The following OSBPL10 variants were observed in gnomAD, a reference collection of about 807,000 sequenced individuals.
OSBPL10 encodes oxysterol-binding protein-related protein 10.
In OSBPL10, 49 loss-of-function variants were observed where a neutral mutation model predicts 81.7. The ratio of observed to expected loss-of-function variants is 0.60; its 90% confidence interval spans 0.48 to 0.76. The LOEUF is 0.76. Ranked by LOEUF, OSBPL10 falls within the 30% of genes least tolerant of loss-of-function variation. The pLI is 0.00. For synonymous variants in OSBPL10, 419 were observed against 383.6 expected (o/e 1.09, Z -1.08); for missense variants, 923 against 987.8 (o/e 0.93, Z 0.88).
At chr3:31,699,921 T>C (rs1042330699) in intron 7 of OSBPL10, among the ~76,000 whole-genome samples, 8 of 152,310 alleles carry the variant, frequency 5.3e-5, no homozygotes, top group African/African-American at 1.4e-4. Flanking sequence ...GCTAAGTTCT[T>C]CCATTGCTTA....
intron 4 of OSBPL10, among the ~76,000 whole-genome samples, chr3:31,787,594 CAAA>C (rs34814978): frequency 2.0e-4 from 25 of 126,098 alleles, no homozygotes; most frequent in Admixed American, 2.4e-4. Flanking sequence ...GACTCCGCCT[CAAA>C]AAAAAAAAAA....
chr3:31,728,780 G>A (rs949842106), intron 6 of OSBPL10, among the ~76,000 whole-genome samples: 1 of 152,120 alleles, frequency 6.6e-6, no homozygotes. Context: ...GAATCTGGGG[G>A]CAATAGAACT....
chr3:31,999,383 CA>C (rs1308032259), intron 2 of OSBPL10, among the ~76,000 whole-genome samples: 1 of 115,796 alleles, frequency 8.6e-6, no homozygotes, highest in Non-Finnish European at 1.7e-5. Flanking sequence ...TTTTTTGAGA[CA>C]AGGTCTCACT....
chr3:31,844,179 A>C (rs1700572588), intron 3 of OSBPL10, among the ~76,000 whole-genome samples: 2 of 152,212 alleles, frequency 1.3e-5, no homozygotes, highest in African/African-American at 4.8e-5. Flanking sequence ...TTGTGACTTA[A>C]ATCATTATAA....
intron 1 of OSBPL10, among the ~76,000 whole-genome samples, chr3:31,908,530 G>A (rs1341592590): frequency 1.3e-5 from 2 of 152,158 alleles, no homozygotes; most frequent in Non-Finnish European, 2.9e-5. Flanking sequence ...GAGGCAAGAT[G>A]GCCAGCCCAG....
chr3:31,797,168 T>A (rs1699246658), intron 4 of OSBPL10, among the ~76,000 whole-genome samples: 1 of 151,920 alleles, frequency 6.6e-6, no homozygotes, highest in African/African-American at 2.4e-5. Flanking sequence ...CTAATTTTTG[T>A]ATCTTTAGTA....
chr3:31,973,263 G>T (rs1047548668), intron 1 of OSBPL10, among the ~76,000 whole-genome samples: 1 of 152,198 alleles, frequency 6.6e-6, no homozygotes, highest in African/African-American at 2.4e-5. Context: ...CAGCCACTGG[G>T]CAAATCAAAT....
chr3:31,765,340 C>T (rs1209752600), intron 4 of OSBPL10, among the ~76,000 whole-genome samples: 1 of 152,024 alleles, frequency 6.6e-6, no homozygotes, highest in South Asian at 2.1e-4. Context: ...CCAGCCTCTA[C>T]TGATGTGTTA....
intron 7 of OSBPL10, among the ~76,000 whole-genome samples, chr3:31,696,199 A>G (rs1695716423): frequency 6.6e-6 from 1 of 151,360 alleles, no homozygotes; most frequent in African/African-American, 2.4e-5. Flanking sequence ...TCTCTGGCCA[A>G]CTCCCCTTCC....
In OSBPL10 at chr3:32,026,057, T is replaced by TAGATA. The variant is rs58717718; in HGVS notation, n.298+20433_298+20434insTATCT. Among the ~76,000 whole-genome samples, 154 of 111,332 alleles carry TAGATA rather than the reference T, an allele frequency of 1.4e-3. 1 individual carries two copies. The highest frequency in any genetic ancestry group is 2.3e-3 in the Admixed American group (24 of 10,364). 73.0% of individuals were successfully genotyped at this position (111,332 alleles called of 152,430 possible). A position where few individuals can be genotyped will look rare whatever the true frequency, so the allele number is the denominator to read the frequency against. On this transcript the variant is annotated intron_variant and non_coding_transcript_variant, in intron 2 of 3. Coordinates refer to the OSBPL10 transcript ENST00000479173. ...ATAGATAGATAGATAGATAGATAGA[T>TAGATA]GATAGATAGATAGATAGATAGATAG...
intron 1 of OSBPL10, among the ~76,000 whole-genome samples, chr3:31,960,538 AAAGC>A (rs1698131138): frequency 6.6e-6 from 1 of 152,206 alleles, no homozygotes; most frequent in East Asian, 1.9e-4. Context: ...CCTAAATGAG[AAAGC>A]AAGGCTAAAA....
chr3:31,812,824 G>T (rs1335629075), intron 4 of OSBPL10, among the ~76,000 whole-genome samples: 2 of 125,662 alleles, frequency 1.6e-5, no homozygotes, highest in African/African-American at 3.0e-5. Flanking sequence ...GAAAGAGAAA[G>T]AAAGAAAGAA....
intron 5 of OSBPL10, among the ~76,000 whole-genome samples, chr3:31,743,575 C>T (rs1697425422): frequency 1.3e-5 from 2 of 152,066 alleles, no homozygotes; most frequent in Middle Eastern, 3.4e-3. Flanking sequence ...CCAAAGCAAA[C>T]ATATATCCCA....
intron 2 of OSBPL10, among the ~76,000 whole-genome samples, chr3:32,032,701 AAC>A (rs1231503228): frequency 6.6e-6 from 1 of 152,192 alleles, no homozygotes; most frequent in African/African-American, 2.4e-5. Flanking sequence ...AATTCTATTG[AAC>A]AGTTGACTTA....
chr3:31,768,431 T>C (rs1698265583), intron 4 of OSBPL10, among the ~76,000 whole-genome samples: 2 of 152,166 alleles, frequency 1.3e-5, no homozygotes, highest in Admixed American at 1.3e-4. Context: ...TTAGAAATTG[T>C]CTCCCTTTAG....
At chr3:32,022,916 G>T (rs527643950) in intron 2 of OSBPL10, among the ~76,000 whole-genome samples, 1 of 152,104 alleles carries the variant, frequency 6.6e-6, no homozygotes, top group Non-Finnish European at 1.5e-5. Context: ...AACAAATAGC[G>T]GTGGTCAGAG....
At chr3:31,868,300 C>T (rs564206857) in intron 3 of OSBPL10, among the ~76,000 whole-genome samples, 2 of 152,134 alleles carry the variant, frequency 1.3e-5, no homozygotes, top group East Asian at 3.9e-4. Context: ...AAAAAAAGGC[C>T]TTTGCAAGCT....
intron 1 of OSBPL10, among the ~76,000 whole-genome samples, chr3:32,058,123 A>G (rs1162929871): frequency 6.6e-6 from 1 of 152,240 alleles, no homozygotes; most frequent in Non-Finnish European, 1.5e-5. Flanking sequence ...ATAAAAGAGA[A>G]TTATAAAGAA....
At chr3:32,071,967 T>A (rs574792897) in intron 1 of OSBPL10, among the ~76,000 whole-genome samples, 3 of 152,104 alleles carry the variant, frequency 2.0e-5, no homozygotes, top group African/African-American at 7.2e-5. Context: ...TAATTGCCAC[T>A]CACCAGCAAA....
Sources: gnomAD v4.1 joint callset for allele counts (sites outside exome capture counted in the v4.1 genomes callset) on GRCh38, gnomAD v4.1.1 for gene constraint, MANE v1.5 for transcripts, NCBI Gene and HGNC (gene_info 2026-07-23, HGNC 2026-07-21) for gene names.